Variants in PPP2R5E observed in about 807,000 individuals in gnomAD.
The protein encoded by PPP2R5E is protein phosphatase 2 regulatory subunit B'epsilon.
Under a neutral mutation model 65.3 loss-of-function variants are expected in PPP2R5E, and 4 were observed. That is an observed-to-expected ratio of 0.06 (90% confidence interval 0.03 to 0.14). The LOEUF (loss-of-function observed/expected upper bound fraction) is 0.14. Ranked by LOEUF, PPP2R5E falls within the 10% of genes least tolerant of loss-of-function variation. The probability of loss-of-function intolerance (pLI) is 1.00; values close to 1 mark genes in which losing one functional copy is unlikely to be tolerated. For missense variants in PPP2R5E, 274 were observed against 556.1 expected, an observed-to-expected ratio of 0.49 and a Z score of 5.10; for synonymous variants, 183 against 187.4, an observed-to-expected ratio of 0.98 and a Z score of 0.19.
intron 2 of PPP2R5E, among the ~76,000 whole-genome samples, chr14:63,522,937 C>T (rs1893006114): frequency 6.9e-6 from 1 of 145,644 alleles, no homozygotes. Flanking sequence ...CCCGGCCAGC[C>T]GCCCCGTCCG....
chr14:63,396,421 G>C (rs1885400360), intron 6 of PPP2R5E, among the ~76,000 whole-genome samples, 165 bp downstream of exon 6: 3 of 136,040 alleles, frequency 2.2e-5, no homozygotes, highest in African/African-American at 8.2e-5. Flanking sequence ...GGAGAGGAGG[G>C]GGAGGGGGTA....
intron 1 of PPP2R5E, 48 bp from the exon 2 acceptor site, chr14:63,539,740 C>A: frequency 6.5e-7 from 1 of 1,530,882 alleles, no homozygotes. Context: ...AAGGTGGAAG[C>A]ATACATGTGA....
At chr14:63,420,488 G>A (rs561100689) in intron 4 of PPP2R5E, among the ~76,000 whole-genome samples, 15 of 152,120 alleles carry the variant, frequency 9.9e-5, no homozygotes, top group Admixed American at 2.0e-4. Context: ...ATCAATTACC[G>A]TGTTTTAACT....
At chr14:63,438,006 T>C (rs1315102156) in intron 3 of PPP2R5E, among the ~76,000 whole-genome samples, 1 of 152,218 alleles carries the variant, frequency 6.6e-6, no homozygotes, top group African/African-American at 2.4e-5. Context: ...TCTAGTGTCT[T>C]TGCACCATTT....
chr14:63,399,366 C>CTTTGTTTTTTTTTTT (rs1885604828), intron 5 of PPP2R5E, among the ~76,000 whole-genome samples: 2 of 48,504 alleles, frequency 4.1e-5, no homozygotes, highest in Non-Finnish European at 7.2e-5. Flanking sequence ...GGATTTCTTT[C>CTTTGTTTTTTTTTTT]TTTTTTTTTT....
intron 2 of PPP2R5E, among the ~76,000 whole-genome samples, chr14:63,536,620 C>G (rs1300882506): frequency 6.6e-6 from 1 of 152,142 alleles, no homozygotes. Flanking sequence ...GGAAGCAACC[C>G]AAGTGTCCAC....
chr14:63,375,082 T>C lies in PPP2R5E; in HGVS notation c.*927A>G, dbSNP rs530465684. 1 of 152,706 alleles carries C rather than the reference T, an allele frequency of 6.5e-6. No individual in the cohort carries two copies. The highest frequency in any genetic ancestry group is 1.9e-4 in the East Asian group (1 of 5,186). The allele number at this position is 152,706 out of a possible 1,614,324, so 9.5% of individuals were successfully genotyped here. A position where few individuals can be genotyped will look rare whatever the true frequency, so the allele number is the denominator to read the frequency against. Reference sequence around the variant, plus strand: ...GCTGTTTGCTCAACTCTTTTCCCAATTAGATTTGCAATCCCGGTGATCAAT... The same window carrying C: ...GCTGTTTGCTCAACTCTTTTCCCAACTAGATTTGCAATCCCGGTGATCAAT... On this transcript the variant is annotated 3_prime_UTR_variant, in exon 14 of 14. Coordinates refer to ENST00000337537, the MANE Select transcript of PPP2R5E (RefSeq NM_006246.5).
At chr14:63,430,365 A>ACAT (rs1555359654) in intron 3 of PPP2R5E, among the ~76,000 whole-genome samples, 1 of 132,194 alleles carries the variant, frequency 7.6e-6, no homozygotes, top group Non-Finnish European at 1.5e-5. Flanking sequence ...ATACATACAT[A>ACAT]CATACATGCA....
chr14:63,406,943 T>G (rs879940149), intron 5 of PPP2R5E, among the ~76,000 whole-genome samples: 2 of 152,212 alleles, frequency 1.3e-5, no homozygotes, highest in Admixed American at 1.3e-4. Context: ...CACTATATGA[T>G]TTCATGGACT....
chr14:63,486,619 C>G (rs1051645884), intron 2 of PPP2R5E, among the ~76,000 whole-genome samples: 1 of 152,022 alleles, frequency 6.6e-6, no homozygotes, highest in Admixed American at 6.6e-5. Flanking sequence ...ATGTGGTCCA[C>G]AGTACTCCAC....
intron 2 of PPP2R5E, among the ~76,000 whole-genome samples, chr14:63,533,424 G>A (rs1054010761): frequency 6.6e-6 from 1 of 151,864 alleles, no homozygotes; most frequent in African/African-American, 2.4e-5. Context: ...AGCCGGGCAT[G>A]GAGGCGCATG....
At chr14:63,418,056 G>A (rs1362384195) in intron 4 of PPP2R5E, among the ~76,000 whole-genome samples, 2 of 152,046 alleles carry the variant, frequency 1.3e-5, no homozygotes, top group Non-Finnish European at 2.9e-5. Flanking sequence ...TTTCTCCTTG[G>A]AACTCTCTGA....
intron 11 of PPP2R5E, among the ~76,000 whole-genome samples, chr14:63,388,821 A>G (rs1448475195): frequency 6.6e-6 from 1 of 152,180 alleles, no homozygotes; most frequent in Non-Finnish European, 1.5e-5. Flanking sequence ...TGCGCTAAGA[A>G]CCACAGTCTG....
intron 2 of PPP2R5E, among the ~76,000 whole-genome samples, chr14:63,469,648 C>T (rs1261501799): frequency 2.6e-5 from 4 of 152,124 alleles, no homozygotes; most frequent in Non-Finnish European, 4.4e-5. Context: ...GAGCCGAGAT[C>T]GTGCCACTGC....
chr14:63,470,567 T>TA (rs896800446), intron 2 of PPP2R5E, among the ~76,000 whole-genome samples: 1 of 151,950 alleles, frequency 6.6e-6, no homozygotes, highest in African/African-American at 2.4e-5. Context: ...TTTATATTAT[T>TA]AAAAAATACT....
At chr14:63,395,137 G>T in intron 7 of PPP2R5E, 89 bp downstream of exon 7, 2 of 1,067,332 alleles carry the variant, frequency 1.9e-6, no homozygotes, top group Non-Finnish European at 2.9e-6. Flanking sequence ...TACAGCAAGA[G>T]AACTAGGTGA....
chr14:63,390,359 G>C (rs1447537489), intron 10 of PPP2R5E, among the ~76,000 whole-genome samples: 2 of 151,410 alleles, frequency 1.3e-5, no homozygotes, highest in East Asian at 3.9e-4. Flanking sequence ...AAAGCACAGT[G>C]AATCTTGTGA....
Position 63,374,397 on chromosome 14 carries a change from C to T in PPP2R5E, c.*1612G>A, listed in dbSNP as rs1345153698. 1 of 151,752 alleles carries T rather than the reference C, an allele frequency of 6.6e-6. No individual in the cohort carries two copies. Among genetic ancestry groups the T allele is most frequent in the Non-Finnish European group, 1.5e-5 (1 of 67,938 alleles). The allele number at this position is 151,752 out of a possible 1,614,324, so 9.4% of individuals were successfully genotyped here. ...ACTATCACAATTCAACATATGAACA[C>T]AGATCAGCTCTATACCATGAATACT... On this transcript the variant is annotated 3_prime_UTR_variant, in exon 14 of 14. Coordinates refer to ENST00000337537, the MANE Select transcript of PPP2R5E (RefSeq NM_006246.5).
At chr14:63,379,777 C>T (rs907963990) in intron 13 of PPP2R5E, among the ~76,000 whole-genome samples, 1 of 145,132 alleles carries the variant, frequency 6.9e-6, no homozygotes, top group African/African-American at 2.5e-5. Flanking sequence ...TCACTAAATA[C>T]AAACCAAATA....
Sources: allele counts gnomAD v4.1 joint callset (sites outside exome capture counted in the v4.1 genomes callset), GRCh38; gene constraint gnomAD v4.1.1; transcripts MANE v1.5; gene names NCBI Gene and HGNC (gene_info 2026-07-23, HGNC 2026-07-21).